Variants in ARHGAP24 observed in about 807,000 individuals in gnomAD.
ARHGAP24 encodes the protein Rho GTPase activating protein 24.
ARHGAP24 carries 50 observed loss-of-function variants against 76.4 expected under a neutral mutation model. That is an observed-to-expected ratio of 0.65 (90% CI 0.52 to 0.83). The LOEUF (loss-of-function observed/expected upper bound fraction) is 0.83. Ranked by LOEUF, ARHGAP24 falls within the 40% of genes least tolerant of loss-of-function variation. ARHGAP24 has a pLI of 0.00. For missense variants in ARHGAP24, 930 were observed against 914.2 expected (o/e 1.02, Z -0.22); for synonymous variants, 345 against 323.3 (o/e 1.07, Z -0.72).
intron 2 of ARHGAP24, among the ~76,000 whole-genome samples, chr4:85,604,864 C>T (rs770438708): frequency 1.3e-5 from 2 of 152,104 alleles, no homozygotes; most frequent in Non-Finnish European, 2.9e-5. Flanking sequence ...AGGTTTGCAC[C>T]ACTACACCCA....
intron 3 of ARHGAP24, among the ~76,000 whole-genome samples, chr4:85,915,014 G>A (rs1735298374): frequency 1.3e-5 from 2 of 152,108 alleles, no homozygotes; most frequent in South Asian, 4.1e-4. Context: ...AGATACTTTA[G>A]CTCTGCCAAG....
intron 2 of ARHGAP24, among the ~76,000 whole-genome samples, chr4:85,675,524 A>G (rs542412896): frequency 6.6e-6 from 1 of 152,302 alleles, no homozygotes; most frequent in East Asian, 1.9e-4. Context: ...GAGACACTGG[A>G]TTGCGGGGTA....
chr4:85,722,349 C>A lies in ARHGAP24; in HGVS notation c.268+377C>A. 4 of 168,422 alleles carry A rather than the reference C, an allele frequency of 2.4e-5. No individual in the cohort carries two copies. In the Admixed American group the frequency reaches 2.4e-4, roughly 10 times the overall value. 10.4% of individuals were successfully genotyped at this position (168,422 alleles called of 1,614,324 possible). ...CAGTGGAATCACTGACATATTTCCT[C>A]ACAAAATTGTATCTTCAAGGAGGTT... On this transcript the variant is annotated intron_variant, in intron 3 of 9. Transcript: ENST00000395184.
intron 3 of ARHGAP24, among the ~76,000 whole-genome samples, chr4:85,862,477 G>A (rs951864582): frequency 3.3e-5 from 5 of 152,010 alleles, no homozygotes; most frequent in Non-Finnish European, 7.4e-5. Context: ...CCTAAGTTAG[G>A]TTTTCAAGCT....
At chr4:85,506,901 T>TC (rs5859976) in intron 1 of ARHGAP24, among the ~76,000 whole-genome samples, 148,274 of 151,840 alleles carry the variant, frequency 0.98, 72,473 homozygotes, top group Non-Finnish European at 1. Context: ...CCTTTTTTTT[T>TC]CCCCCCATGT....
At chr4:85,859,671 A>G (rs1731778567) in intron 3 of ARHGAP24, among the ~76,000 whole-genome samples, 1 of 152,124 alleles carries the variant, frequency 6.6e-6, no homozygotes, top group Non-Finnish European at 1.5e-5. Context: ...TAGGGTCCTC[A>G]CCGCTATCAG....
chr4:85,996,456 T>C (rs1262048748), intron 9 of ARHGAP24, among the ~76,000 whole-genome samples: 1 of 152,234 alleles, frequency 6.6e-6, no homozygotes, highest in African/African-American at 2.4e-5. Flanking sequence ...TTTCAGGCTG[T>C]GTGATTTGGA....
chr4:85,575,637 A>G (rs1727340637), intron 2 of ARHGAP24, among the ~76,000 whole-genome samples: 1 of 152,232 alleles, frequency 6.6e-6, no homozygotes, highest in Admixed American at 6.5e-5. Flanking sequence ...CAATACAATA[A>G]CATGGGGGGA....
intron 3 of ARHGAP24, among the ~76,000 whole-genome samples, chr4:85,737,978 T>C (rs191932834): frequency 4.5e-4 from 69 of 152,240 alleles, no homozygotes; most frequent in Admixed American, 2.0e-3. Flanking sequence ...TGGAATGCAG[T>C]GGTATGATCT....
chr4:85,846,289 C>CA (rs1730878027), intron 3 of ARHGAP24, among the ~76,000 whole-genome samples: 2 of 152,156 alleles, frequency 1.3e-5, no homozygotes, highest in South Asian at 2.1e-4. Context: ...GCCACACGCA[C>CA]AAAAAAGCTG....
chr4:85,658,464 G>T (rs1360265940), intron 2 of ARHGAP24, among the ~76,000 whole-genome samples: 1 of 152,110 alleles, frequency 6.6e-6, no homozygotes, highest in Non-Finnish European at 1.5e-5. Context: ...GTGGTACAAA[G>T]TAGAAATATT....
chr4:85,817,390 G>GTT (rs1217536509), intron 3 of ARHGAP24, among the ~76,000 whole-genome samples: 3 of 152,100 alleles, frequency 2.0e-5, no homozygotes, highest in African/African-American at 7.2e-5. Context: ...TAGTTTTACA[G>GTT]TTTATGTTCA....
At chr4:85,504,975 A>T (rs1040286020) in intron 1 of ARHGAP24, among the ~76,000 whole-genome samples, 4 of 152,102 alleles carry the variant, frequency 2.6e-5, no homozygotes, top group African/African-American at 7.2e-5. Context: ...CCCTTCACTC[A>T]TGAAGCTTAG....
intron 3 of ARHGAP24, among the ~76,000 whole-genome samples, chr4:85,737,163 C>A (rs770592518): frequency 1.6e-4 from 25 of 152,044 alleles, no homozygotes; most frequent in Non-Finnish European, 3.5e-4. Flanking sequence ...GATGGTATAA[C>A]CTTCCTTCTC....
intron 1 of ARHGAP24, among the ~76,000 whole-genome samples, chr4:85,488,187 A>G (rs1723218125): frequency 6.6e-6 from 1 of 151,652 alleles, no homozygotes; most frequent in African/African-American, 2.4e-5. Flanking sequence ...AGCCACCTTG[A>G]TATTTTCCAC....
At chr4:85,512,206 C>G (rs1472553866) in intron 1 of ARHGAP24, among the ~76,000 whole-genome samples, 1 of 152,224 alleles carries the variant, frequency 6.6e-6, no homozygotes, top group Admixed American at 6.5e-5. Context: ...TGACCTTTGT[C>G]AAATTACTTA....
chr4:85,855,414 A>C (rs1731494025), intron 3 of ARHGAP24, among the ~76,000 whole-genome samples: 1 of 152,112 alleles, frequency 6.6e-6, no homozygotes, highest in Non-Finnish European at 1.5e-5. Flanking sequence ...TCTGTACATC[A>C]AGAATCTGAT....
intron 3 of ARHGAP24, among the ~76,000 whole-genome samples, chr4:85,799,973 C>A (rs946742233): frequency 1.3e-5 from 2 of 152,092 alleles, no homozygotes; most frequent in Admixed American, 1.3e-4. Context: ...ATGGCAAAGA[C>A]AGGAATTGTC....
At chr4:85,881,204 G>T (rs1374727858) in intron 3 of ARHGAP24, among the ~76,000 whole-genome samples, 1 of 152,132 alleles carries the variant, frequency 6.6e-6, no homozygotes, top group Admixed American at 6.5e-5. Context: ...ATGAGTCCAT[G>T]ACTCCATGAC....
Sources: gnomAD v4.1 joint callset for allele counts (sites outside exome capture counted in the v4.1 genomes callset) on GRCh38, gnomAD v4.1.1 for gene constraint, MANE v1.5 for transcripts, NCBI Gene and HGNC (gene_info 2026-07-23, HGNC 2026-07-21) for gene names.